Variants in PHTF2 observed in about 807,000 individuals in gnomAD.
PHTF2 encodes protein PHTF2.
Under a neutral mutation model 101.2 loss-of-function variants are expected in PHTF2, and 60 were observed. That is an observed-to-expected ratio of 0.59 (90% confidence interval 0.48 to 0.73). PHTF2 has a LOEUF of 0.73. Among genes scored for constraint, PHTF2 ranks in the 30% least tolerant of loss-of-function variants. The probability of loss-of-function intolerance (pLI) is 0.00; values close to 1 mark genes in which losing one functional copy is unlikely to be tolerated. For missense variants in PHTF2, 747 were observed against 908.7 expected (o/e 0.82, Z 2.29); for synonymous variants, 311 against 307.3 (o/e 1.01, Z -0.13).
At chr7:77,804,623 A>G (rs1792829193) in intron 1 of PHTF2, among the ~76,000 whole-genome samples, 1 of 152,078 alleles carries the variant, frequency 6.6e-6, no homozygotes, top group South Asian at 2.1e-4. Context: ...ACTATGCCCA[A>G]CCTTAATGAG....
chr7:77,862,269 A>G (rs1277617506), intron 3 of PHTF2, among the ~76,000 whole-genome samples: 3 of 152,172 alleles, frequency 2.0e-5, no homozygotes, highest in Non-Finnish European at 4.4e-5. Flanking sequence ...TTAAGGCACT[A>G]TAATACATAC....
chr7:77,932,621 A>AGTGTGTGTGTGTGT lies in PHTF2; in HGVS notation c.1338+3317_1338+3330dup, dbSNP rs56005414. On this transcript the variant is annotated intron_variant, in intron 12 of 19. Transcript: ENST00000416283. The stretch of plus-strand genomic sequence containing the variant: ...GAGAGAAAGAGAGAGAGAGAGAGAG[A>AGTGTGTGTGTGTGT]GTGTGTGTGTGTGTGTGTGTGTGTG... 2.7e-3 allele frequency among the ~76,000 whole-genome samples: 315 copies of AGTGTGTGTGTGTGT among 118,548 alleles called. 1 individual carries two copies. The highest frequency in any genetic ancestry group is 5.2e-3 in the East Asian group (20 of 3,880). 77.8% of individuals were successfully genotyped at this position (118,548 alleles called of 152,430 possible). A position where few individuals can be genotyped will look rare whatever the true frequency, so the allele number is the denominator to read the frequency against.
At chr7:77,858,235 A>G (rs1016986114) in intron 3 of PHTF2, among the ~76,000 whole-genome samples, 10 of 152,094 alleles carry the variant, frequency 6.6e-5, no homozygotes, top group Non-Finnish European at 1.5e-4. Context: ...TTTCTTCCCT[A>G]TTTTGGTTAT....
At chr7:77,802,806 C>T (rs966955671) in intron 1 of PHTF2, among the ~76,000 whole-genome samples, 13 of 152,234 alleles carry the variant, frequency 8.5e-5, no homozygotes, top group African/African-American at 2.4e-4. Flanking sequence ...CCTGGGATTA[C>T]AGATATAAGC....
chr7:77,907,159 CAA>C (rs1801943019), intron 7 of PHTF2, among the ~76,000 whole-genome samples: 1 of 151,922 alleles, frequency 6.6e-6, no homozygotes, highest in African/African-American at 2.4e-5. Flanking sequence ...ATATTAAAAA[CAA>C]AAAAGACTCT....
At chr7:77,890,188 A>G (rs904389855) in intron 3 of PHTF2, among the ~76,000 whole-genome samples, 3 of 152,016 alleles carry the variant, frequency 2.0e-5, no homozygotes, top group Non-Finnish European at 2.9e-5. Flanking sequence ...GCATTCTGCT[A>G]TTTACAGTGA....
At chr7:77,939,604 A>G (rs902268079) in intron 13 of PHTF2, among the ~76,000 whole-genome samples, 14 of 151,676 alleles carry the variant, frequency 9.2e-5, no homozygotes, top group Admixed American at 2.0e-4. Flanking sequence ...AAAAAAAAAA[A>G]AAAAGAAAAC....
intron 3 of PHTF2, among the ~76,000 whole-genome samples, chr7:77,863,637 C>T (rs1797818164): frequency 6.6e-6 from 1 of 151,564 alleles, no homozygotes. Flanking sequence ...AAGTTTATTA[C>T]ACATGGATTA....
intron 3 of PHTF2, among the ~76,000 whole-genome samples, chr7:77,881,126 A>G (rs1193435653): frequency 1.3e-5 from 2 of 152,156 alleles, no homozygotes; most frequent in Non-Finnish European, 2.9e-5. Flanking sequence ...TCCTGTTTAA[A>G]CGAGATTAAG....
At chr7:77,953,937 C>A in intron 19 of PHTF2, 43 bp downstream of exon 18, 1 of 1,596,296 alleles carries the variant, frequency 6.3e-7, no homozygotes, top group South Asian at 1.1e-5. Flanking sequence ...TTTCCTGTTG[C>A]ATTTTTGTTG....
chr7:77,903,445 G>A (rs1421075679), intron 7 of PHTF2, among the ~76,000 whole-genome samples: 2 of 152,144 alleles, frequency 1.3e-5, no homozygotes, highest in African/African-American at 2.4e-5. Context: ...ACAGTGCATT[G>A]TGCTTTTTAA....
At chr7:77,863,802 T>TTG (rs1222651304) in intron 3 of PHTF2, among the ~76,000 whole-genome samples, 2 of 146,708 alleles carry the variant, frequency 1.4e-5, no homozygotes, top group African/African-American at 5.2e-5. Context: ...TTTTTTTTTT[T>TTG]GGAAGATAGG....
intron 1 of PHTF2, among the ~76,000 whole-genome samples, chr7:77,819,010 G>T (rs1409087968): frequency 6.6e-6 from 1 of 152,076 alleles, no homozygotes; most frequent in African/African-American, 2.4e-5. Flanking sequence ...TAGTAAATAA[G>T]ATTGCCTTTT....
chr7:77,923,006 A>G, intron 11 of PHTF2: 1 of 1,222,844 alleles, frequency 8.2e-7, no homozygotes, highest in Non-Finnish European at 1.0e-6. Context: ...TTATCTTTGA[A>G]GACTCATACA....
At chr7:77,837,928 G>C (rs1795592699) in intron 1 of PHTF2, among the ~76,000 whole-genome samples, 1 of 151,960 alleles carries the variant, frequency 6.6e-6, no homozygotes, top group Non-Finnish European at 1.5e-5. Context: ...ACATTGTTGG[G>C]GGTTAGGAAA....
chr7:77,837,606 G>A (rs537936831), intron 1 of PHTF2, among the ~76,000 whole-genome samples: 11 of 152,136 alleles, frequency 7.2e-5, no homozygotes, highest in Admixed American at 1.3e-4. Context: ...CAGAAAATTC[G>A]TTGAATTTTT....
chr7:77,858,924 AT>A (rs1457123502), intron 3 of PHTF2, among the ~76,000 whole-genome samples: 1 of 152,076 alleles, frequency 6.6e-6, no homozygotes, highest in Admixed American at 6.5e-5. Flanking sequence ...ATAGAAGTTT[AT>A]TTTTTTCACC....
intron 7 of PHTF2, among the ~76,000 whole-genome samples, chr7:77,905,991 C>CT (rs1309641673): frequency 1.3e-4 from 20 of 150,658 alleles, no homozygotes; most frequent in Non-Finnish European, 1.9e-4. Flanking sequence ...TATATATCTT[C>CT]TTTTTTTTTG....
At chr7:77,810,210 T>C (rs2150484420) in intron 1 of PHTF2, among the ~76,000 whole-genome samples, 1 of 152,344 alleles carries the variant, frequency 6.6e-6, no homozygotes, top group Non-Finnish European at 1.5e-5. Context: ...TACTTTTTTC[T>C]TGACTCATTT....
Sources: allele counts gnomAD v4.1 joint callset (sites outside exome capture counted in the v4.1 genomes callset), GRCh38; gene constraint gnomAD v4.1.1; transcripts MANE v1.5; gene names NCBI Gene and HGNC (gene_info 2026-07-23, HGNC 2026-07-21).